PRKCE: variants seen among roughly 807,000 people sequenced by gnomAD.
PRKCE encodes the protein protein kinase C epsilon, also known as protein kinase C epsilon type.
In PRKCE, 16 loss-of-function variants were observed where a neutral mutation model predicts 85.4. The observed-to-expected ratio is 0.19, with a 90% CI of 0.13 to 0.28. PRKCE has a LOEUF of 0.28. Among genes scored for constraint, PRKCE ranks in the 10% least tolerant of loss-of-function variants. The pLI, the probability that PRKCE is intolerant of heterozygous loss-of-function variation, is 1.00. For synonymous variants in PRKCE, 388 were observed against 371.5 expected (o/e 1.04, Z -0.51); for missense variants, 573 against 975.2 (o/e 0.59, Z 5.49).
chr2:45,946,185 C>G (rs1168611185), intron 2 of PRKCE, among the ~76,000 whole-genome samples: 1 of 152,224 alleles, frequency 6.6e-6, no homozygotes, highest in Admixed American at 6.5e-5. Flanking sequence ...TCCCTTAAAT[C>G]CCTGCCCACA....
At chr2:46,100,698 G>A (rs542252580) in intron 11 of PRKCE, among the ~76,000 whole-genome samples, 7 of 152,326 alleles carry the variant, frequency 4.6e-5, no homozygotes, top group African/African-American at 1.4e-4. Context: ...TGTTTGAAGA[G>A]CAGTATAATT....
chr2:46,059,793 A>G (rs577059378), intron 10 of PRKCE, among the ~76,000 whole-genome samples: 2 of 152,350 alleles, frequency 1.3e-5, no homozygotes, highest in African/African-American at 4.8e-5. Flanking sequence ...CAGCCTGAGC[A>G]ATATAGTGAG....
At position 46,010,432 on chromosome 2, in the gene PRKCE, A is replaced by G. The variant is rs200955184; in HGVS notation, c.1352A>G (p.Asp451Gly). 1.4e-5 allele frequency: 22 copies of G among 1,599,594 alleles called. No homozygotes were observed. Among genetic ancestry groups the G allele is most frequent in the African/African-American group, 5.3e-5 (4 of 74,916 alleles). ...KDVILQDDDVDCTMTEKRILA... is the reference protein window; with the variant it reads ...KDVILQDDDVGCTMTEKRILA... ...GTCATCCTTCAGGATGATGACGTGG[A>G]CTGCACAATGACAGAGAAGAGGATT... is the stretch of plus-strand genomic sequence containing the variant. The change falls in exon 10 of 15, where the codon GAC becomes GGC. Residue 451 changes from aspartate to glycine, a missense_variant. Asp to Gly is a moderately conservative substitution (Grantham distance 94). This residue lies in a region of PRKCE where 89 missense variants were observed against 154.1 expected (regional missense o/e 0.58). Transcript: ENST00000306156.
At chr2:45,752,011 G>T (rs2104752249) in intron 1 of PRKCE, among the ~76,000 whole-genome samples, 2 of 149,356 alleles carry the variant, frequency 1.3e-5, no homozygotes, top group South Asian at 4.4e-4. Flanking sequence ...TAGAGACGGG[G>T]TTTCACCGTT....
intron 4 of PRKCE, 113 bp from the exon 5 acceptor site, chr2:45,980,183 G>C (rs1270811496): frequency 2.2e-6 from 2 of 898,114 alleles, no homozygotes; most frequent in East Asian, 5.2e-5. Context: ...TTAAGGCTCA[G>C]TGGCAGAAGG....
At chr2:46,153,282 A>G (rs1165539386) in intron 13 of PRKCE, among the ~76,000 whole-genome samples, 1 of 152,254 alleles carries the variant, frequency 6.6e-6, no homozygotes, top group Non-Finnish European at 1.5e-5. Context: ...CATTTATTAA[A>G]CAAATATTTA....
intron 6 of PRKCE, among the ~76,000 whole-genome samples, chr2:45,986,797 G>T (rs1026614818): frequency 6.6e-6 from 1 of 152,104 alleles, no homozygotes; most frequent in Non-Finnish European, 1.5e-5. Flanking sequence ...CCCTGGAGGT[G>T]GGGGCGGAGC....
At chr2:46,014,734 C>T (rs1705980323) in intron 10 of PRKCE, among the ~76,000 whole-genome samples, 1 of 152,272 alleles carries the variant, frequency 6.6e-6, no homozygotes, top group South Asian at 2.1e-4. Context: ...CAATTACTGC[C>T]TAGTAGAGAG....
intron 10 of PRKCE, among the ~76,000 whole-genome samples, chr2:46,029,668 GGTTT>G (rs1405304013): frequency 6.8e-6 from 1 of 147,938 alleles, no homozygotes. Flanking sequence ...CAGGGAAAGG[GGTTT>G]GTCGTCGTAT....
At chr2:45,809,069 G>A (rs1464632907) in intron 1 of PRKCE, among the ~76,000 whole-genome samples, 1 of 152,168 alleles carries the variant, frequency 6.6e-6, no homozygotes, top group Non-Finnish European at 1.5e-5. Flanking sequence ...CGGTGAGGAA[G>A]CTCACTGAAG....
intron 2 of PRKCE, among the ~76,000 whole-genome samples, chr2:45,903,919 T>G (rs28424032): frequency 0.032 from 4,452 of 138,004 alleles, 238 homozygotes; most frequent in Middle Eastern, 0.08. Flanking sequence ...TTGTTTGTTT[T>G]TTTTGGCAGG....
At chr2:46,066,016 C>T (rs1466583695) in intron 10 of PRKCE, among the ~76,000 whole-genome samples, 1 of 152,156 alleles carries the variant, frequency 6.6e-6, no homozygotes, top group East Asian at 1.9e-4. Context: ...CAGCATCCGT[C>T]AAGACTATTT....
At chr2:45,984,890 G>A (rs569679326) in intron 6 of PRKCE, among the ~76,000 whole-genome samples, 3 of 152,336 alleles carry the variant, frequency 2.0e-5, no homozygotes, top group Admixed American at 6.5e-5. Flanking sequence ...GGGAAACACC[G>A]AGGAAGGAGG....
In PRKCE at chr2:46,142,597, T is replaced by A. The variant is rs142885442; in HGVS notation, c.1593-2496T>A. On this transcript the variant is annotated intron_variant, in intron 11 of 14. Transcript: ENST00000306156. ...CCCAGTCATAGCCAAGGGCAGCTGC[T>A]GCATGCTGCCTGCAGACCATGCTTG... is the stretch of plus-strand genomic sequence containing the variant. Among the ~76,000 whole-genome samples, 54 of 152,350 alleles carry A rather than the reference T, an allele frequency of 3.5e-4. No homozygotes were observed. The East Asian group carries it at 9.8e-3, about 28-fold the overall frequency.
chr2:45,782,062 C>T (rs972987296), intron 1 of PRKCE, among the ~76,000 whole-genome samples: 1 of 152,174 alleles, frequency 6.6e-6, no homozygotes, highest in Non-Finnish European at 1.5e-5. Context: ...AATTCATCTA[C>T]AGAGAGAAGA....
chr2:45,787,021 C>A (rs1686653793), intron 1 of PRKCE, among the ~76,000 whole-genome samples: 1 of 152,212 alleles, frequency 6.6e-6, no homozygotes, highest in Non-Finnish European at 1.5e-5. Context: ...ATCCGATGAT[C>A]CTATGGGTTT....
rs1044404189 is a variant in PRKCE at position 46,155,676 on chromosome 2, C to T, written c.1921-3930C>T. Among the ~76,000 whole-genome samples, 2 of 152,206 alleles carry T rather than the reference C, an allele frequency of 1.3e-5. No homozygotes were observed. Among genetic ancestry groups the T allele is most frequent in the Non-Finnish European group, 2.9e-5 (2 of 68,044 alleles). On this transcript the variant is annotated intron_variant, in intron 13 of 14. Transcript: ENST00000306156. The surrounding 1 kb of genome is among the most constrained non-coding windows in gnomAD (Gnocchi z 4.7). ...AAATTCCTTGGTTCAGTAAATGGCA[C>T]CCTGTCTTCCTTTCTAAACAGACCA...
intron 1 of PRKCE, among the ~76,000 whole-genome samples, chr2:45,669,792 C>T (rs1676072613): frequency 6.6e-6 from 1 of 152,188 alleles, no homozygotes; most frequent in Non-Finnish European, 1.5e-5. Flanking sequence ...GGGCGTATCA[C>T]TTGATGTCAG....
intron 10 of PRKCE, among the ~76,000 whole-genome samples, chr2:46,014,667 A>G (rs910920034): frequency 1.3e-5 from 2 of 152,196 alleles, no homozygotes; most frequent in Admixed American, 1.3e-4. Flanking sequence ...TATGTGCTAG[A>G]CACTGTGCTA....
Sources: allele counts gnomAD v4.1 joint callset (sites outside exome capture counted in the v4.1 genomes callset), GRCh38; gene constraint gnomAD v4.1.1; regional missense constraint gnomAD v4.1.1; non-coding constraint Gnocchi (gnomAD v3.1); transcripts MANE v1.5; gene names NCBI Gene and HGNC (gene_info 2026-07-23, HGNC 2026-07-21).